CCDC137: variants seen among roughly 807,000 people sequenced by gnomAD.
The protein encoded by CCDC137 is coiled-coil domain containing 137.
A neutral mutation model predicts 30.4 loss-of-function variants in CCDC137; 24 were observed. The observed-to-expected ratio is 0.79, with a 90% confidence interval of 0.57 to 1.11. The LOEUF is 1.11. CCDC137 is among the 50% of genes least tolerant of loss of function. CCDC137 has a pLI of 0.00. For synonymous variants in CCDC137, 182 were observed against 155.7 expected (o/e 1.17, Z -1.26); for missense variants, 417 against 380.4 (o/e 1.10, Z -0.80).
intron 2 of CCDC137, among the ~76,000 whole-genome samples, chr17:81,669,661 G>A (rs1244243251): frequency 3.3e-5 from 5 of 152,096 alleles, no homozygotes; most frequent in African/African-American, 7.2e-5. Context: ...CCGGGTTCAC[G>A]CCATTCTCCT....
At chr17:81,667,586 C>T in intron 1 of CCDC137, 143 bp from the exon 2 acceptor site, 3 of 848,070 alleles carry the variant, frequency 3.5e-6, no homozygotes, top group Non-Finnish European at 5.4e-6. Context: ...CTCGGCCTCC[C>T]AAAGTGCAGG....
chr17:81,670,397 G>A lies in CCDC137; in HGVS notation c.441G>A (p.Gln147=), dbSNP rs1001726229. Residue 147 remains glutamine (Q), a synonymous_variant, in exon 3 of 6, where the codon CAG becomes CAA. Transcript: ENST00000329214. ...TCAGCAAGAACCAGGCCATCCGGCAGCCAGAGGTGCAGGCAGCTCCCAAGG... is the reference window on the plus strand; with the variant it reads ...TCAGCAAGAACCAGGCCATCCGGCAACCAGAGGTGCAGGCAGCTCCCAAGG... The part of the protein sequence containing the change: ...LFLSKNQAIR[Q]PEVQAAPKEK... 13 of 1,613,830 alleles carry A rather than the reference G, an allele frequency of 8.1e-6. No individual in the cohort carries two copies. Among genetic ancestry groups the A allele is most frequent in the South Asian group, 1.1e-5 (1 of 91,084 alleles).
rs756280691 is a variant in CCDC137 at position 81,672,732 on chromosome 17, C to T, written c.*28C>T. 2.8e-5 allele frequency: 42 copies of T among 1,523,574 alleles called. No homozygotes were observed. The highest frequency in any genetic ancestry group is 3.4e-5 in the Non-Finnish European group (38 of 1,131,150). 94.4% of individuals were successfully genotyped at this position (1,523,574 alleles called of 1,614,324 possible). Reference sequence around the variant, plus strand: ...GAGAGACACCCGGGGCCTGGCCACGCTCTGGGGCAACTGGCACCAGGAGCT... The same window carrying T: ...GAGAGACACCCGGGGCCTGGCCACGTTCTGGGGCAACTGGCACCAGGAGCT... On this transcript the variant is annotated 3_prime_UTR_variant, in exon 6 of 6. Coordinates refer to ENST00000329214, the MANE Select transcript of CCDC137 (RefSeq NM_199287.3).
intron 2 of CCDC137, among the ~76,000 whole-genome samples, chr17:81,669,455 C>T (rs2036691801): frequency 1.3e-5 from 2 of 152,166 alleles, no homozygotes; most frequent in Non-Finnish European, 2.9e-5. Context: ...ATATGCATGT[C>T]TTCACATATT....
intron 1 of CCDC137, 45 bp from the exon 2 acceptor site, chr17:81,667,684 G>C: frequency 6.2e-7 from 1 of 1,606,700 alleles, no homozygotes; most frequent in Non-Finnish European, 8.5e-7. Context: ...GATTCTGCTT[G>C]TGCTTTACTT....
At chr17:81,666,989 G>C in intron 1 of CCDC137, 89 bp downstream of exon 1, 1 of 1,214,340 alleles carries the variant, frequency 8.2e-7, no homozygotes, top group Non-Finnish European at 1.0e-6. Context: ...GGGAGCGTTC[G>C]CTCGGACCCC....
intron 5 of CCDC137, 66 bp downstream of exon 5, chr17:81,672,221 C>A: frequency 6.6e-7 from 1 of 1,508,596 alleles, no homozygotes; most frequent in Non-Finnish European, 9.2e-7. Context: ...AAGCCTTGGA[C>A]AGGCTGGACA....
chr17:81,670,516 C>T, intron 3 of CCDC137, 63 bp downstream of exon 3: 2 of 1,409,442 alleles, frequency 1.4e-6, no homozygotes, highest in South Asian at 1.3e-5. Flanking sequence ...ATTGGGTTCC[C>T]ATGACGGCCC....
At chr17:81,667,423 G>A (rs1421258518) in intron 1 of CCDC137, among the ~76,000 whole-genome samples, 1 of 151,584 alleles carries the variant, frequency 6.6e-6, no homozygotes, top group Non-Finnish European at 1.5e-5. Context: ...CGCCTCCCGG[G>A]TTCACGCCAT....
intron 1 of CCDC137, 55 bp from the exon 2 acceptor site, chr17:81,667,674 G>T: frequency 2.5e-6 from 4 of 1,600,848 alleles, no homozygotes; most frequent in Non-Finnish European, 3.4e-6. Flanking sequence ...TTCTCTTACT[G>T]ATTCTGCTTG....
intron 3 of CCDC137, among the ~76,000 whole-genome samples, chr17:81,671,401 T>A (rs1163042385): frequency 2.6e-5 from 4 of 152,068 alleles, no homozygotes; most frequent in Admixed American, 6.6e-5. Context: ...GCTGGATGAG[T>A]CTCTGTTGGG....
rs753907542 is a variant in CCDC137, at chr17:81,671,138, AG to A, written c.498-605del. Among the ~76,000 whole-genome samples the A allele has an allele frequency of 1.1e-3, 161 of 151,692 alleles. 3 individuals carry two copies. In the East Asian group the frequency reaches 0.028, roughly 27 times the overall value. ...AGAGCGAGACTCCATCTCAAAAAAA[AG>A]AAAAAAAAAAAAAAGCTTTGAAGGT... On this transcript the variant is annotated intron_variant, in intron 3 of 5. Transcript: ENST00000329214.
intron 5 of CCDC137, 34 bp from the exon 6 acceptor site, chr17:81,672,461 C>T: frequency 6.5e-7 from 1 of 1,538,760 alleles, no homozygotes; most frequent in Non-Finnish European, 8.8e-7. Flanking sequence ...CCTCCTTTCC[C>T]AGCCTGTGCC....
intron 2 of CCDC137, among the ~76,000 whole-genome samples, chr17:81,669,537 G>A (rs1046156443): frequency 3.3e-5 from 5 of 152,152 alleles, no homozygotes; most frequent in African/African-American, 7.2e-5. Context: ...CTGCGCTTGC[G>A]TTCTCAGTGG....
intron 3 of CCDC137, 92 bp from the exon 4 acceptor site, chr17:81,671,652 C>T: frequency 7.7e-7 from 1 of 1,305,962 alleles, no homozygotes. Flanking sequence ...TGCTCTGCCA[C>T]AGGGGATCCC....
intron 2 of CCDC137, among the ~76,000 whole-genome samples, chr17:81,668,523 C>G (rs1975307948): frequency 1.3e-5 from 2 of 152,152 alleles, no homozygotes; most frequent in Non-Finnish European, 1.5e-5. Flanking sequence ...ACTGGTTTTA[C>G]AGCAAAGCTG....
rs114120030 is a variant in CCDC137, at chr17:81,666,751, G to C, written c.-16G>C. On this transcript the variant is annotated 5_prime_UTR_variant, in exon 1 of 6. Coordinates refer to ENST00000329214, the MANE Select transcript of CCDC137 (RefSeq NM_199287.3). ...AAGGCGGAAGTGGCTTCGCTAGGGA[G>C]CCTCCCGGCGTGGAGATGGCGGGAG... is the stretch of plus-strand genomic sequence containing the variant. 2 of 1,455,052 alleles carry C rather than the reference G, an allele frequency of 1.4e-6. No homozygotes were observed. The highest frequency in any genetic ancestry group is 1.5e-5 in the African/African-American group (1 of 67,786). The allele number at this position is 1,455,052 out of a possible 1,614,324, so 90.1% of individuals were successfully genotyped here.
chr17:81,670,681 C>T (rs539310877), intron 3 of CCDC137, among the ~76,000 whole-genome samples: 4 of 152,284 alleles, frequency 2.6e-5, no homozygotes, highest in Non-Finnish European at 5.9e-5. Context: ...GCGGAGACCT[C>T]GCTTGGTCCT....
chr17:81,668,289 A>T lies in CCDC137; in HGVS notation c.268+427A>T, dbSNP rs571997697. ...AGGGAGAAGCCATGATTCTTGGGAC[A>T]AGAGTGCTGAAGCAATGGTAGAGAG... On this transcript the variant is annotated intron_variant, in intron 2 of 5. Coordinates refer to ENST00000329214, the MANE Select transcript of CCDC137 (RefSeq NM_199287.3). Among the ~76,000 whole-genome samples the T allele has an allele frequency of 3.3e-5, 5 of 152,292 alleles. No individual in the cohort carries two copies. The South Asian group carries it at 8.3e-4, about 25-fold the overall frequency.
Sources: gnomAD v4.1 joint callset for allele counts (sites outside exome capture counted in the v4.1 genomes callset) on GRCh38, gnomAD v4.1.1 for gene constraint, MANE v1.5 for transcripts, NCBI Gene and HGNC (gene_info 2026-07-23, HGNC 2026-07-21) for gene names.